The following ADAMTS19 variants were observed in gnomAD, a reference collection of about 807,000 sequenced individuals.
ADAMTS19 encodes ADAM metallopeptidase with thrombospondin type 1 motif 19.
ADAMTS19 carries 93 observed loss-of-function variants against 153.3 expected under a neutral mutation model. The ratio of observed to expected loss-of-function variants is 0.61; its 90% CI spans 0.51 to 0.72. ADAMTS19 has a LOEUF of 0.72. Among genes scored for constraint, ADAMTS19 ranks in the 30% least tolerant of loss-of-function variants. The pLI, the probability that ADAMTS19 is intolerant of heterozygous loss-of-function variation, is 0.00. For missense variants in ADAMTS19, 1,482 were observed against 1,552.1 expected, an observed-to-expected ratio of 0.95 and a Z score of 0.76; for synonymous variants, 600 against 556.6, an observed-to-expected ratio of 1.08 and a Z score of -1.10.
At chr5:129,500,890 A>T (rs939405903) in intron 2 of ADAMTS19, among the ~76,000 whole-genome samples, 1 of 152,172 alleles carries the variant, frequency 6.6e-6, no homozygotes, top group African/African-American at 2.4e-5. Flanking sequence ...TTTGGCAATT[A>T]AAAAACACAC....
intron 7 of ADAMTS19, among the ~76,000 whole-genome samples, chr5:129,559,503 A>G (rs1464282749): frequency 6.6e-6 from 1 of 152,136 alleles, no homozygotes; most frequent in Non-Finnish European, 1.5e-5. Context: ...ATCTTACATT[A>G]TAAAGTGATG....
chr5:129,647,356 G>A lies in ADAMTS19; in HGVS notation c.1873-409G>A, dbSNP rs188385763. ...ATTTGCTAAAAATGTCTGCTTTGAC[G>A]TAGGACATTTATTTCTTGTTTCCAT... On this transcript the variant is annotated intron_variant, in intron 11 of 22. Transcript: ENST00000274487. Among the ~76,000 whole-genome samples the A allele has an allele frequency of 1.2e-3, 181 of 152,126 alleles. 1 individual carries two copies. The highest frequency in any genetic ancestry group is 4.3e-3 in the African/African-American group (177 of 41,506).
intron 8 of ADAMTS19, among the ~76,000 whole-genome samples, chr5:129,607,130 T>C (rs2126943237): frequency 6.6e-6 from 1 of 152,296 alleles, no homozygotes; most frequent in East Asian, 1.9e-4. Context: ...TTGGCCAGGC[T>C]GGTCTTGAAC....
intron 8 of ADAMTS19, among the ~76,000 whole-genome samples, chr5:129,612,001 T>A (rs1751246354): frequency 6.6e-6 from 1 of 151,962 alleles, no homozygotes; most frequent in Admixed American, 6.6e-5. Context: ...TATTTTAAGT[T>A]TTAGGGTACA....
chr5:129,500,634 A>G (rs1285025190), intron 2 of ADAMTS19: 1 of 152,168 alleles, frequency 6.6e-6, no homozygotes, highest in Admixed American at 6.6e-5. Flanking sequence ...TAAGATTACA[A>G]GTAATCAACA....
rs147706996 is a variant in ADAMTS19 at position 129,601,031 on chromosome 5, C to T, written c.1478+4367C>T. Among the ~76,000 whole-genome samples the T allele has an allele frequency of 4.9e-3, 751 of 152,108 alleles. 6 individuals carry two copies. Among genetic ancestry groups the T allele is most frequent in the African/African-American group, 0.017 (699 of 41,496 alleles). ...GATTACAGGTGCGTGCCACCACACC[C>T]GGCTAAATTTTTTTTGTTTTTAGTA... On this transcript the variant is annotated intron_variant, in intron 8 of 22. Coordinates refer to ENST00000274487, the MANE Select transcript of ADAMTS19 (RefSeq NM_133638.6).
At chr5:129,658,817 G>A (rs181953899) in intron 15 of ADAMTS19, 80 bp downstream of exon 15, 15 of 1,390,874 alleles carry the variant, frequency 1.1e-5, no homozygotes, top group Non-Finnish European at 1.4e-5. Flanking sequence ...TAACTTAAGA[G>A]ATTATAGTTC....
Position 129,492,661 on chromosome 5 carries a change from G to C in ADAMTS19, c.748-16416G>C, listed in dbSNP as rs76239225. On this transcript the variant is annotated intron_variant, in intron 2 of 22. Transcript: ENST00000274487. ...TTTTCATTACCTATAATCACTATTT[G>C]AATTTTGCTATACTGCTTTAAATAC... Among the ~76,000 whole-genome samples, 1,460 of 151,974 alleles carry C rather than the reference G, an allele frequency of 9.6e-3. 24 individuals are homozygous for C. Among genetic ancestry groups the C allele is most frequent in the African/African-American group, 0.034 (1,420 of 41,462 alleles).
In ADAMTS19 at chr5:129,461,625, C is replaced by A; in HGVS notation, c.615C>A (p.Pro205=). 1 of 1,592,628 alleles carries A rather than the reference C, an allele frequency of 6.3e-7. No homozygotes were observed. The highest frequency in any genetic ancestry group is 8.5e-7 in the Non-Finnish European group (1 of 1,176,054). The stretch of plus-strand genomic sequence containing the variant: ...TCGCAGTGGAACAGCGGCCAAATCC[C>A]GGCCCCGGCCCCACGGGGGCAGCAT... The part of the protein sequence containing the change: ...PRFAVEQRPN[P]GPGPTGAASA... Residue 205 remains proline (P), a synonymous_variant, in exon 2 of 23, where the codon CCC becomes CCA. Coordinates refer to ENST00000274487, the MANE Select transcript of ADAMTS19 (RefSeq NM_133638.6). The surrounding 1 kb of genome is among the most constrained non-coding windows in gnomAD (Gnocchi z 4.6).
chr5:129,656,093 T>A (rs960083811), intron 14 of ADAMTS19, among the ~76,000 whole-genome samples: 1 of 152,206 alleles, frequency 6.6e-6, no homozygotes, highest in African/African-American at 2.4e-5. Flanking sequence ...TAGCCTAAAT[T>A]GCTATGCTTT....
intron 7 of ADAMTS19, among the ~76,000 whole-genome samples, chr5:129,584,108 C>T (rs1749666814): frequency 6.6e-6 from 1 of 152,040 alleles, no homozygotes; most frequent in Non-Finnish European, 1.5e-5. Context: ...ACTGGATGTG[C>T]TAATCCTTTC....
In ADAMTS19 at chr5:129,461,956, T is replaced by C. The variant is rs77221202; in HGVS notation, c.747+199T>C. Among the ~76,000 whole-genome samples, 2,208 of 152,330 alleles carry C rather than the reference T, an allele frequency of 0.014. 42 individuals carry two copies. The highest frequency in any genetic ancestry group is 0.049 in the African/African-American group (2,025 of 41,572). On this transcript the variant is annotated intron_variant, in intron 2 of 22. Coordinates refer to ENST00000274487, the MANE Select transcript of ADAMTS19 (RefSeq NM_133638.6). The surrounding 1 kb of genome is among the most constrained non-coding windows in gnomAD (Gnocchi z 4.6). ...GCAGTTGTGTAAATCGGAAGTTTAATTGGGTGGATAAATGGCCTTCTCCTT... is the reference window on the plus strand; with the variant it reads ...GCAGTTGTGTAAATCGGAAGTTTAACTGGGTGGATAAATGGCCTTCTCCTT...
At chr5:129,556,365 G>A (rs941113482) in intron 7 of ADAMTS19, among the ~76,000 whole-genome samples, 1 of 152,124 alleles carries the variant, frequency 6.6e-6, no homozygotes, top group African/African-American at 2.4e-5. Flanking sequence ...ATGAACTATA[G>A]TGGTATACTT....
At position 129,480,170 on chromosome 5, in the gene ADAMTS19, G is replaced by T. The variant is rs557998701; in HGVS notation, c.747+18413G>T. ...ATATGGCTAGTTGATTTTCAAGAAA[G>T]TTACCGATGTAATTCAATGGAGGAA... On this transcript the variant is annotated intron_variant, in intron 2 of 22. Coordinates refer to ENST00000274487, the MANE Select transcript of ADAMTS19 (RefSeq NM_133638.6). Among the ~76,000 whole-genome samples the T allele has an allele frequency of 2.0e-5, 3 of 152,278 alleles. No homozygotes were observed. In the South Asian group the frequency reaches 6.2e-4, roughly 32 times the overall value.
intron 2 of ADAMTS19, among the ~76,000 whole-genome samples, chr5:129,508,394 C>G (rs1751331504): frequency 6.6e-6 from 1 of 151,870 alleles, no homozygotes. Context: ...TAGGCTTAGC[C>G]TCAAAATATT....
At chr5:129,729,570 A>G (rs146992464) in intron 21 of ADAMTS19, among the ~76,000 whole-genome samples, 84 of 152,116 alleles carry the variant, frequency 5.5e-4, no homozygotes, top group Middle Eastern at 3.4e-3. Flanking sequence ...GCAGAAAATT[A>G]TACTGTTTTA....
intron 7 of ADAMTS19, among the ~76,000 whole-genome samples, chr5:129,580,151 C>T (rs934302347): frequency 3.3e-5 from 5 of 152,174 alleles, no homozygotes; most frequent in Non-Finnish European, 7.4e-5. Context: ...AGGTCCTTCA[C>T]ATCCCCTGTA....
At chr5:129,468,882 T>C (rs1397329536) in intron 2 of ADAMTS19, among the ~76,000 whole-genome samples, 1 of 151,926 alleles carries the variant, frequency 6.6e-6, no homozygotes, top group African/African-American at 2.4e-5. Flanking sequence ...GTTCCTGCCA[T>C]TCTCCTGCCT....
chr5:129,697,257 C>T (rs1466436822), intron 19 of ADAMTS19, among the ~76,000 whole-genome samples: 1 of 152,112 alleles, frequency 6.6e-6, no homozygotes. Context: ...AATAATGAGG[C>T]ATGTCTACCC....
Sources: allele counts gnomAD v4.1 joint callset (sites outside exome capture counted in the v4.1 genomes callset), GRCh38; gene constraint gnomAD v4.1.1; non-coding constraint Gnocchi (gnomAD v3.1); transcripts MANE v1.5; gene names NCBI Gene and HGNC (gene_info 2026-07-23, HGNC 2026-07-21).